KHDRBS2: variants seen among roughly 807,000 people sequenced by gnomAD.
The protein encoded by KHDRBS2 is KH RNA binding domain containing, signal transduction associated 2, also known as KH domain-containing, RNA-binding, signal transduction-associated protein 2.
A neutral mutation model predicts 44.3 loss-of-function variants in KHDRBS2; 26 were observed. That is an observed-to-expected ratio of 0.59 (90% CI 0.43 to 0.81). The LOEUF (loss-of-function observed/expected upper bound fraction) is 0.81, where lower values mean the gene tolerates loss of function less well. Among genes scored for constraint, KHDRBS2 ranks in the 40% least tolerant of loss-of-function variants. The pLI is 0.00. For missense variants in KHDRBS2, 476 were observed against 433.1 expected, an observed-to-expected ratio of 1.10 and a Z score of -0.88; for synonymous variants, 194 against 151.1, an observed-to-expected ratio of 1.28 and a Z score of -2.08.
chr6:62,065,425 C>G (rs549121922), intron 2 of KHDRBS2, among the ~76,000 whole-genome samples: 1 of 147,718 alleles, frequency 6.8e-6, no homozygotes, highest in African/African-American at 2.5e-5. Context: ...AAATGTGGTA[C>G]ATATACACCA....
chr6:61,948,923 G>T (rs1224581368), intron 4 of KHDRBS2, among the ~76,000 whole-genome samples: 2 of 151,938 alleles, frequency 1.3e-5, no homozygotes, highest in African/African-American at 4.8e-5. Flanking sequence ...ATTTCCACGT[G>T]TTATGCGAGC....
At chr6:62,006,125 T>A (rs1779161954) in intron 3 of KHDRBS2, among the ~76,000 whole-genome samples, 1 of 151,956 alleles carries the variant, frequency 6.6e-6, no homozygotes, top group Non-Finnish European at 1.5e-5. Context: ...TCGTGCAGGA[T>A]AAATTTGTAA....
Position 62,285,963 on chromosome 6 carries a change from A to C in KHDRBS2, c.-15T>G. 6.4e-7 allele frequency: 1 copy of C among 1,561,820 alleles called. No homozygotes were observed. Among genetic ancestry groups the C allele is most frequent in the Non-Finnish European group, 8.8e-7 (1 of 1,134,630 alleles). On this transcript the variant is annotated 5_prime_UTR_variant, in exon 1 of 9. Coordinates refer to ENST00000281156, the MANE Select transcript of KHDRBS2 (RefSeq NM_152688.4). ...TCCTCTTCCATAGCGCGGACTTCGG[A>C]TTGTCCCCGGGCGAAGCGCGAGGTT...
intron 3 of KHDRBS2, 22 bp downstream of exon 3, chr6:62,047,856 T>C (rs367808382): frequency 1.7e-5 from 25 of 1,462,118 alleles, no homozygotes; most frequent in East Asian, 2.3e-5. Context: ...ATGTGGTAAA[T>C]ATTAGATTCA....
intron 1 of KHDRBS2, among the ~76,000 whole-genome samples, chr6:62,227,125 T>G (rs1832012998): frequency 6.6e-6 from 1 of 152,242 alleles, no homozygotes; most frequent in African/African-American, 2.4e-5. Flanking sequence ...TATAGCCATT[T>G]TCACATTATT....
intron 1 of KHDRBS2, among the ~76,000 whole-genome samples, chr6:62,221,025 T>C (rs887899259): frequency 6.6e-6 from 1 of 151,948 alleles, no homozygotes; most frequent in South Asian, 2.1e-4. Context: ...TCCATGTTCA[T>C]TGCACATTAT....
At position 61,848,535 on chromosome 6, in the gene KHDRBS2, A is replaced by T. The variant is rs1562294757; in HGVS notation, c.810+46100T>A. Among the ~76,000 whole-genome samples the T allele has an allele frequency of 1.3e-3, 74 of 57,654 alleles. 12 individuals are homozygous for T. The East Asian group carries it at 0.028, about 22-fold the overall frequency. 37.8% of individuals were successfully genotyped at this position (57,654 alleles called of 152,430 possible). On this transcript the variant is annotated intron_variant, in intron 6 of 8. Transcript: ENST00000281156. Reference sequence around the variant, plus strand: ...TGTATATATGTATATATATATACATATATATGTATATATATACATATATAT... The same window carrying T: ...TGTATATATGTATATATATATACATTTATATGTATATATATACATATATAT...
At chr6:62,242,255 CAGCCTA>C (rs1343830613) in intron 1 of KHDRBS2, among the ~76,000 whole-genome samples, 1 of 152,138 alleles carries the variant, frequency 6.6e-6, no homozygotes, top group African/African-American at 2.4e-5. Flanking sequence ...CTATCTATAT[CAGCCTA>C]AAGCAGCCCG....
intron 4 of KHDRBS2, among the ~76,000 whole-genome samples, chr6:61,941,153 G>A (rs557485514): frequency 3.3e-5 from 5 of 152,112 alleles, no homozygotes; most frequent in Non-Finnish European, 7.4e-5. Context: ...GGGGATTGCC[G>A]AGCTGAGTCA....
At chr6:61,605,991 C>A in the KHDRBS2 span, among the ~76,000 whole-genome samples, 1 of 152,134 alleles carries the variant, frequency 6.6e-6, no homozygotes, top group Non-Finnish European at 1.5e-5. Context: ...CCGGTCCCTG[C>A]CTTAAATGAT....
At chr6:61,977,673 T>C (rs1772967031) in intron 4 of KHDRBS2, among the ~76,000 whole-genome samples, 1 of 152,074 alleles carries the variant, frequency 6.6e-6, no homozygotes, top group African/African-American at 2.4e-5. Flanking sequence ...CTGATCTCTT[T>C]CCCTTTCCAC....
intron 3 of KHDRBS2, among the ~76,000 whole-genome samples, chr6:62,046,162 C>T (rs540775391): frequency 6.6e-6 from 1 of 151,878 alleles, no homozygotes; most frequent in African/African-American, 2.4e-5. Flanking sequence ...GTAAATTAAA[C>T]CTCATGGAAA....
At chr6:62,250,723 T>C (rs1836379300) in intron 1 of KHDRBS2, among the ~76,000 whole-genome samples, 2 of 151,994 alleles carry the variant, frequency 1.3e-5, no homozygotes, top group South Asian at 4.1e-4. Flanking sequence ...AACTAGATAT[T>C]TTCACGGTAT....
At chr6:62,029,532 A>G (rs1374097397) in intron 3 of KHDRBS2, among the ~76,000 whole-genome samples, 1 of 151,998 alleles carries the variant, frequency 6.6e-6, no homozygotes, top group East Asian at 1.9e-4. Context: ...AGGTTTACGA[A>G]TTCATTTTTA....
intron 6 of KHDRBS2, among the ~76,000 whole-genome samples, chr6:61,866,112 C>T (rs1394753879): frequency 6.6e-6 from 1 of 152,224 alleles, no homozygotes; most frequent in Non-Finnish European, 1.5e-5. Flanking sequence ...TCTCACAGCT[C>T]CACTAGGCAA....
At chr6:61,662,649 AT>A in the KHDRBS2 span, among the ~76,000 whole-genome samples, 1 of 152,094 alleles carries the variant, frequency 6.6e-6, no homozygotes, top group Non-Finnish European at 1.5e-5. Flanking sequence ...ACATGAAAAA[AT>A]GCTCATCATC....
At chr6:61,872,315 G>A (rs145471938) in intron 6 of KHDRBS2, among the ~76,000 whole-genome samples, 241 of 152,204 alleles carry the variant, frequency 1.6e-3, no homozygotes, top group African/African-American at 5.7e-3. Context: ...TATAGTGCAT[G>A]TGAATCCAAA....
At chr6:62,158,489 A>G (rs1302724829) in intron 2 of KHDRBS2, among the ~76,000 whole-genome samples, 1 of 152,264 alleles carries the variant, frequency 6.6e-6, no homozygotes, top group Non-Finnish European at 1.5e-5. Flanking sequence ...ACTCAGGTCT[A>G]TCTAGTTCAA....
intron 1 of KHDRBS2, among the ~76,000 whole-genome samples, chr6:62,211,700 T>C (rs990697296): frequency 3.9e-5 from 6 of 152,194 alleles, no homozygotes; most frequent in African/African-American, 1.4e-4. Context: ...TCTTATACAC[T>C]GTTGGTGGGA....
Sources: gnomAD v4.1 joint callset for allele counts (sites outside exome capture counted in the v4.1 genomes callset) on GRCh38, gnomAD v4.1.1 for gene constraint, MANE v1.5 for transcripts, NCBI Gene and HGNC (gene_info 2026-07-23, HGNC 2026-07-21) for gene names.